Variants in CSMD3 observed in about 807,000 individuals in gnomAD.
The protein encoded by CSMD3 is CUB and Sushi multiple domains 3, also known as CUB and sushi domain-containing protein 3.
CSMD3 carries 177 observed loss-of-function variants against 435.2 expected under a neutral mutation model. That is an observed-to-expected ratio of 0.41 (90% CI 0.36 to 0.46). The LOEUF (loss-of-function observed/expected upper bound fraction) is 0.46. CSMD3 is among the 20% of genes least tolerant of loss of function. The pLI, the probability that CSMD3 is intolerant of heterozygous loss-of-function variation, is 0.34. For synonymous variants in CSMD3, 1,656 were observed against 1,520.5 expected (o/e 1.09, Z -2.07); for missense variants, 4,265 against 4,504.6 (o/e 0.95, Z 1.52).
At chr8:112,858,786 A>G (rs1318023532) in intron 11 of CSMD3, among the ~76,000 whole-genome samples, 1 of 151,856 alleles carries the variant, frequency 6.6e-6, no homozygotes, top group African/African-American at 2.4e-5. Context: ...TCAGCTATGT[A>G]TAAAAACAGG....
chr8:113,001,254 C>T (rs909383227), intron 6 of CSMD3, among the ~76,000 whole-genome samples: 1 of 152,046 alleles, frequency 6.6e-6, no homozygotes, highest in Non-Finnish European at 1.5e-5. Flanking sequence ...TCCCTCTCTC[C>T]TGCTTAAAAT....
At chr8:112,551,306 G>A (rs914435639) in intron 26 of CSMD3, among the ~76,000 whole-genome samples, 2 of 152,040 alleles carry the variant, frequency 1.3e-5, no homozygotes, top group Non-Finnish European at 2.9e-5. Flanking sequence ...TTAGATAAAT[G>A]AAATAATTTC....
chr8:112,612,670 C>T (rs1309896357), intron 22 of CSMD3, among the ~76,000 whole-genome samples: 2 of 150,226 alleles, frequency 1.3e-5, no homozygotes, highest in Non-Finnish European at 3.0e-5. Flanking sequence ...TTTAGACAAT[C>T]CCAGTTAAAA....
At chr8:113,292,545 T>C (rs2093693519) in intron 2 of CSMD3, among the ~76,000 whole-genome samples, 1 of 151,936 alleles carries the variant, frequency 6.6e-6, no homozygotes, top group Admixed American at 6.6e-5. Context: ...CATTATCAAT[T>C]ATTTTTATTA....
intron 11 of CSMD3, among the ~76,000 whole-genome samples, chr8:112,836,483 C>T (rs1285866140): frequency 6.6e-6 from 1 of 151,896 alleles, no homozygotes; most frequent in Non-Finnish European, 1.5e-5. Context: ...GCCAGTGATT[C>T]GATTACACGT....
chr8:112,954,058 A>G (rs542768589), intron 8 of CSMD3, among the ~76,000 whole-genome samples: 1 of 151,594 alleles, frequency 6.6e-6, no homozygotes, highest in South Asian at 2.1e-4. Flanking sequence ...ATTTAAATGA[A>G]TGCTCTAATT....
intron 1 of CSMD3, among the ~76,000 whole-genome samples, chr8:113,378,762 AGT>A (rs5894145): frequency 0.021 from 3,166 of 148,238 alleles, 145 homozygotes; most frequent in East Asian, 0.12. Flanking sequence ...GTCACACTGA[AGT>A]GTGTGTGTGT....
At chr8:112,271,419 C>T (rs1240067153) in intron 59 of CSMD3, among the ~76,000 whole-genome samples, 6 of 151,952 alleles carry the variant, frequency 3.9e-5, no homozygotes, top group Admixed American at 1.3e-4. Context: ...TTTTCATATG[C>T]CTTATCACCA....
intron 3 of CSMD3, among the ~76,000 whole-genome samples, chr8:113,273,658 T>A (rs947940993): frequency 6.6e-6 from 1 of 152,118 alleles, no homozygotes; most frequent in Non-Finnish European, 1.5e-5. Context: ...TTGGAGTGTA[T>A]CCCTCACAGA....
At chr8:112,530,033 C>G (rs1304993683) in intron 27 of CSMD3, among the ~76,000 whole-genome samples, 1 of 151,762 alleles carries the variant, frequency 6.6e-6, no homozygotes, top group African/African-American at 2.4e-5. Context: ...AAATAACTAG[C>G]GAGGTCCAGC....
At chr8:112,685,365 G>C (rs2131801421) in intron 15 of CSMD3, 41 bp downstream of exon 15, 1 of 1,520,122 alleles carries the variant, frequency 6.6e-7, no homozygotes, top group Non-Finnish European at 9.1e-7. Context: ...CAAATTTATA[G>C]AAATATATTA....
intron 55 of CSMD3, 101 bp downstream of exon 55, chr8:112,292,436 A>G (rs1322917327): frequency 8.3e-7 from 1 of 1,203,098 alleles, no homozygotes; most frequent in East Asian, 2.3e-5. Context: ...TATTAGATAA[A>G]AACTTTTTAC....
At chr8:112,226,570 C>T (rs1285188936) in intron 70 of CSMD3, among the ~76,000 whole-genome samples, 1 of 152,030 alleles carries the variant, frequency 6.6e-6, no homozygotes, top group Non-Finnish European at 1.5e-5. Flanking sequence ...TTAACTTCAT[C>T]AAATGGAAAC....
chr8:113,177,501 A>G (rs2131909100), intron 3 of CSMD3, among the ~76,000 whole-genome samples: 1 of 152,110 alleles, frequency 6.6e-6, no homozygotes, highest in East Asian at 1.9e-4. Context: ...CTAACACAAA[A>G]TAATTATAGA....
intron 1 of CSMD3, among the ~76,000 whole-genome samples, chr8:113,415,595 G>A (rs1175917553): frequency 1.3e-5 from 2 of 152,128 alleles, no homozygotes; most frequent in African/African-American, 2.4e-5. Context: ...TAAAAATTTG[G>A]TGGATGTTGG....
chr8:112,573,860 C>A (rs111707810), intron 23 of CSMD3, among the ~76,000 whole-genome samples: 7 of 151,984 alleles, frequency 4.6e-5, no homozygotes, highest in African/African-American at 1.7e-4. Flanking sequence ...AAATTCCAAG[C>A]TTAGTGTACT....
chr8:113,068,436 T>C (rs1463393804), intron 5 of CSMD3, among the ~76,000 whole-genome samples: 2 of 152,140 alleles, frequency 1.3e-5, no homozygotes, highest in African/African-American at 4.8e-5. Flanking sequence ...TATTGGAACA[T>C]TTCTCTATGA....
At chr8:113,316,602 T>A (rs978656815) in intron 1 of CSMD3, among the ~76,000 whole-genome samples, 2 of 151,732 alleles carry the variant, frequency 1.3e-5, no homozygotes, top group Non-Finnish European at 2.9e-5. Flanking sequence ...CAGGCTATAG[T>A]GTAGTGGCGT....
intron 24 of CSMD3, among the ~76,000 whole-genome samples, chr8:112,565,540 G>T (rs1330620212): frequency 1.3e-5 from 2 of 152,074 alleles, no homozygotes; most frequent in Non-Finnish European, 1.5e-5. Flanking sequence ...ATTATTAAAT[G>T]ATTTCAAGCA....
Sources: gnomAD v4.1 joint callset for allele counts (sites outside exome capture counted in the v4.1 genomes callset) on GRCh38, gnomAD v4.1.1 for gene constraint, MANE v1.5 for transcripts, NCBI Gene and HGNC (gene_info 2026-07-23, HGNC 2026-07-21) for gene names.